Variants in C13orf42 observed in about 807,000 individuals in gnomAD.
C13orf42 encodes chromosome 13 open reading frame 42.
chr13:51,144,749 GA>G (rs1953722008), intron 1 of C13orf42, among the ~76,000 whole-genome samples: 1 of 152,260 alleles, frequency 6.6e-6, no homozygotes, highest in South Asian at 2.1e-4. Context: ...AACCTCAAAA[GA>G]AAAGGAAATT....
intron 1 of C13orf42, among the ~76,000 whole-genome samples, chr13:51,171,230 C>T (rs918451055): frequency 2.0e-5 from 3 of 152,264 alleles, no homozygotes; most frequent in Admixed American, 2.0e-4. Flanking sequence ...GACTTATTTT[C>T]TTCTGCAATG....
chr13:51,099,087 T>C (rs1953262173), intron 1 of C13orf42, among the ~76,000 whole-genome samples: 1 of 152,222 alleles, frequency 6.6e-6, no homozygotes, highest in Admixed American at 6.5e-5. Context: ...AAATAAGGTT[T>C]TTCTGGTTTT....
At chr13:51,149,501 C>T (rs1014215404) in intron 1 of C13orf42, among the ~76,000 whole-genome samples, 2 of 152,090 alleles carry the variant, frequency 1.3e-5, no homozygotes, top group African/African-American at 4.8e-5. Flanking sequence ...ACTGCTTCTT[C>T]CCTTTGAGAC....
At chr13:51,171,236 C>T (rs1445446793) in intron 1 of C13orf42, among the ~76,000 whole-genome samples, 2 of 152,120 alleles carry the variant, frequency 1.3e-5, no homozygotes, top group African/African-American at 4.8e-5. Flanking sequence ...TTTTCTTCTG[C>T]AATGCCGTTT....
At chr13:51,138,981 G>A (rs1464099595) in intron 1 of C13orf42, among the ~76,000 whole-genome samples, 2 of 152,140 alleles carry the variant, frequency 1.3e-5, no homozygotes, top group African/African-American at 4.8e-5. Flanking sequence ...AGTCACAGAA[G>A]GACAAATACT....
At chr13:51,112,644 TACTA>T (rs1419702634), upstream of C13orf42, among the ~76,000 whole-genome samples, 1 of 152,200 alleles carries the variant, frequency 6.6e-6, no homozygotes, top group Non-Finnish European at 1.5e-5. Flanking sequence ...TCTCCACACA[TACTA>T]ACTTATTTAA....
intron 1 of C13orf42, among the ~76,000 whole-genome samples, chr13:51,118,286 T>C (rs1221709090): frequency 6.6e-6 from 1 of 152,206 alleles, no homozygotes; most frequent in Non-Finnish European, 1.5e-5. Context: ...TTCTAGCTTT[T>C]CACAAGATCA....
intron 1 of C13orf42, among the ~76,000 whole-genome samples, chr13:51,148,561 A>C (rs1414904212): frequency 6.6e-6 from 1 of 152,208 alleles, no homozygotes; most frequent in Non-Finnish European, 1.5e-5. Context: ...AAGGAAGAGC[A>C]CAGCTCATGC....
intron 1 of C13orf42, among the ~76,000 whole-genome samples, chr13:51,165,034 G>T (rs1953893239): frequency 6.6e-6 from 1 of 152,140 alleles, no homozygotes; most frequent in African/African-American, 2.4e-5. Context: ...ATCATTACGG[G>T]TGTGCTGACT....
chr13:51,089,407 GGA>G (rs1227230926), intron 1 of C13orf42, among the ~76,000 whole-genome samples: 6 of 152,104 alleles, frequency 3.9e-5, no homozygotes, highest in Admixed American at 2.0e-4. Context: ...ACATGTCGAG[GGA>G]GAGACCTGGT....
chr13:51,129,983 C>T (rs1368459566), intron 1 of C13orf42, among the ~76,000 whole-genome samples: 1 of 152,184 alleles, frequency 6.6e-6, no homozygotes, highest in Non-Finnish European at 1.5e-5. Context: ...GTTCAGGGTT[C>T]AATTCCTGGC....
intron 1 of C13orf42, among the ~76,000 whole-genome samples, chr13:51,101,522 G>T (rs1445339361): frequency 6.6e-6 from 1 of 151,930 alleles, no homozygotes; most frequent in Non-Finnish European, 1.5e-5. Context: ...CTAAAAAAAA[G>T]AAAAGGCATC....
intron 1 of C13orf42, among the ~76,000 whole-genome samples, chr13:51,104,662 G>A (rs1953331122): frequency 6.6e-6 from 1 of 151,604 alleles, no homozygotes; most frequent in Non-Finnish European, 1.5e-5. Context: ...TAATGAAAAT[G>A]TTTCCAAATT....
At chr13:51,117,798 CTT>C (rs1290031830) in intron 1 of C13orf42, among the ~76,000 whole-genome samples, 1 of 152,000 alleles carries the variant, frequency 6.6e-6, no homozygotes, top group African/African-American at 2.4e-5. Flanking sequence ...TTATTTTTCT[CTT>C]GTGTAACAGT....
chr13:51,143,190 A>G (rs187385151), intron 1 of C13orf42, among the ~76,000 whole-genome samples: 1 of 152,320 alleles, frequency 6.6e-6, no homozygotes, highest in Admixed American at 6.5e-5. Flanking sequence ...CCTCATCTTC[A>G]GGCCCCATAG....
chr13:51,107,492 CTA>C (rs1278514083), intron 1 of C13orf42, among the ~76,000 whole-genome samples: 1 of 152,138 alleles, frequency 6.6e-6, no homozygotes, highest in African/African-American at 2.4e-5. Flanking sequence ...TTAAAAGCCA[CTA>C]TCTTACCACA....
At chr13:51,125,912 G>A (rs540702702) in intron 1 of C13orf42, among the ~76,000 whole-genome samples, 7 of 152,238 alleles carry the variant, frequency 4.6e-5, no homozygotes, top group Admixed American at 6.5e-5. Context: ...CTGACCATGC[G>A]AGTCTTCTCA....
intron 1 of C13orf42, among the ~76,000 whole-genome samples, chr13:51,097,343 A>G (rs1033828596): frequency 5.9e-5 from 9 of 152,248 alleles, no homozygotes; most frequent in African/African-American, 1.9e-4. Flanking sequence ...GCATCAAGTA[A>G]TCTGGCAAGT....
intron 1 of C13orf42, among the ~76,000 whole-genome samples, chr13:51,150,435 A>T (rs1377199055): frequency 2.6e-5 from 4 of 152,258 alleles, no homozygotes; most frequent in Non-Finnish European, 5.9e-5. Context: ...TTAGAACTTC[A>T]ATCACACGGG....
Sources: allele counts gnomAD v4.1 joint callset (sites outside exome capture counted in the v4.1 genomes callset), GRCh38; gene constraint gnomAD v4.1.1; transcripts MANE v1.5; gene names NCBI Gene and HGNC (gene_info 2026-07-23, HGNC 2026-07-21).